Variants in NOX3 observed in about 807,000 individuals in gnomAD.
NOX3 encodes NADPH oxidase 3.
A neutral mutation model predicts 76.7 loss-of-function variants in NOX3; 74 were observed. The observed-to-expected ratio is 0.96, with a 90% CI of 0.80 to 1.17. NOX3 has a LOEUF of 1.17. Among genes scored for constraint, NOX3 ranks in the 50% most tolerant of loss-of-function variants. The probability of loss-of-function intolerance (pLI) is 0.00; values close to 1 mark genes in which losing one functional copy is unlikely to be tolerated. For missense variants in NOX3, 695 were observed against 703.3 expected (o/e 0.99, Z 0.13); for synonymous variants, 263 against 261.1 (o/e 1.01, Z -0.07).
At chr6:155,447,048 CTTTT>C (rs34046104) in intron 4 of NOX3, among the ~76,000 whole-genome samples, 1 of 143,818 alleles carries the variant, frequency 7.0e-6, no homozygotes, top group Non-Finnish European at 1.5e-5. Flanking sequence ...TATTTTATAA[CTTTT>C]TTTTTTTTTT....
rs191128000 is a variant in NOX3 at position 155,452,145 on chromosome 6, G to A, written c.340+1259C>T. On this transcript the variant is annotated intron_variant, in intron 4 of 13. Transcript: ENST00000159060. The stretch of plus-strand genomic sequence containing the variant: ...TTCTGTGATGAGCCTATCAAGGAGC[G>A]ATCTGGTCTCTGTTTGGACATCACC... 2.0e-3 allele frequency among the ~76,000 whole-genome samples: 305 copies of A among 152,272 alleles called. 2 individuals are homozygous for A. Among genetic ancestry groups the A allele is most frequent in the Admixed American group, 0.016 (248 of 15,290 alleles).
chr6:155,454,292 A>G (rs973803422), intron 3 of NOX3, among the ~76,000 whole-genome samples: 1 of 152,224 alleles, frequency 6.6e-6, no homozygotes, highest in African/African-American at 2.4e-5. Context: ...AAGTTTTTGA[A>G]GGTCTCATTC....
intron 12 of NOX3, among the ~76,000 whole-genome samples, chr6:155,404,151 A>G (rs1779274202): frequency 6.6e-6 from 1 of 151,764 alleles, no homozygotes. Flanking sequence ...AAAAGGAGAA[A>G]ATAGCAACAA....
chr6:155,447,316 C>T (rs189684368), intron 4 of NOX3, among the ~76,000 whole-genome samples: 68 of 152,208 alleles, frequency 4.5e-4, no homozygotes, highest in African/African-American at 1.5e-3. Flanking sequence ...GGATTACAGG[C>T]GTGAGCCACC....
intron 6 of NOX3, among the ~76,000 whole-genome samples, chr6:155,438,555 C>T (rs962938191): frequency 5.3e-5 from 8 of 152,204 alleles, no homozygotes; most frequent in African/African-American, 1.7e-4. Context: ...GCAGTGGCAG[C>T]GGCAGAACTG....
intron 6 of NOX3, among the ~76,000 whole-genome samples, chr6:155,436,837 C>G (rs1776911063): frequency 6.6e-6 from 1 of 152,180 alleles, no homozygotes; most frequent in African/African-American, 2.4e-5. Context: ...ATTGTTTGAA[C>G]ACATCCTTTT....
intron 8 of NOX3, among the ~76,000 whole-genome samples, chr6:155,430,638 T>C (rs888290559): frequency 6.6e-6 from 1 of 151,952 alleles, no homozygotes; most frequent in Non-Finnish European, 1.5e-5. Context: ...CAGAATTCTG[T>C]GTGCCGTCTG....
chr6:155,433,470 C>A (rs1243367929), intron 7 of NOX3, among the ~76,000 whole-genome samples: 1 of 152,244 alleles, frequency 6.6e-6, no homozygotes, highest in Non-Finnish European at 1.5e-5. Flanking sequence ...TTGGGGCCAC[C>A]ACCCCTCACT....
At chr6:155,407,376 T>G in intron 11 of NOX3, 122 bp from the exon 12 acceptor site, 1 of 894,804 alleles carries the variant, frequency 1.1e-6, no homozygotes, top group Middle Eastern at 3.3e-4. Context: ...GGGCTGGCAA[T>G]GCTTATCACT....
chr6:155,437,873 A>G lies in NOX3; in HGVS notation c.669-1326T>C, dbSNP rs375013465. ...CCTACTTTCACTTGGCACTTTGTGT[A>G]GAATTTGCAAATTGCTTTCGCTGTA... On this transcript the variant is annotated intron_variant, in intron 6 of 13. Coordinates refer to ENST00000159060, the MANE Select transcript of NOX3 (RefSeq NM_015718.3). Among the ~76,000 whole-genome samples the G allele has an allele frequency of 1.1e-4, 16 of 152,360 alleles. No individual in the cohort carries two copies. In the South Asian group the frequency reaches 2.3e-3, roughly 22 times the overall value.
chr6:155,446,039 A>G (rs992066816), intron 4 of NOX3, among the ~76,000 whole-genome samples: 1 of 145,558 alleles, frequency 6.9e-6, no homozygotes, highest in African/African-American at 2.6e-5. Flanking sequence ...TTTAAGTTGA[A>G]AATCAAGTCA....
At chr6:155,433,903 G>T (rs1776867409) in intron 7 of NOX3, among the ~76,000 whole-genome samples, 1 of 152,110 alleles carries the variant, frequency 6.6e-6, no homozygotes, top group Non-Finnish European at 1.5e-5. Flanking sequence ...TGGCTTCTTG[G>T]CTTTCTTTTC....
intron 9 of NOX3, 103 bp downstream of exon 9, chr6:155,428,691 C>T (rs777158895): frequency 5.2e-6 from 6 of 1,147,362 alleles, no homozygotes; most frequent in Non-Finnish European, 7.0e-6. Context: ...CTCAAACTCA[C>T]CATTTAATAA....
intron 11 of NOX3, 30 bp downstream of exon 11, chr6:155,411,184 T>C (rs1776544831): frequency 1.2e-6 from 2 of 1,604,356 alleles, no homozygotes; most frequent in Non-Finnish European, 1.7e-6. Flanking sequence ...AGTTCAGCAA[T>C]ATTGCTTATT....
At chr6:155,405,511 C>A (rs560518992) in intron 12 of NOX3, among the ~76,000 whole-genome samples, 1 of 152,156 alleles carries the variant, frequency 6.6e-6, no homozygotes, top group Non-Finnish European at 1.5e-5. Context: ...CTCCCCTGAA[C>A]GTTTGCTTCT....
chr6:155,436,414 T>C lies in NOX3; in HGVS notation c.798+4A>G. The C allele has an allele frequency of 1.9e-6, 3 of 1,614,088 alleles. No homozygotes were observed. The highest frequency in any genetic ancestry group is 2.5e-6 in the Non-Finnish European group (3 of 1,179,928). Reference sequence around the variant, plus strand: ...TTTTTAAAAGCTCCTGGGTTCATTCTTACCGAGGGTTCCTTGCCAGAAAAT... The same window carrying C: ...TTTTTAAAAGCTCCTGGGTTCATTCCTACCGAGGGTTCCTTGCCAGAAAAT... On this transcript the variant is annotated splice_donor_region_variant and intron_variant, in intron 7 of 13. Coordinates refer to ENST00000159060, the MANE Select transcript of NOX3 (RefSeq NM_015718.3).
intron 10 of NOX3, among the ~76,000 whole-genome samples, chr6:155,419,510 C>T (rs1305579897): frequency 1.3e-5 from 2 of 152,194 alleles, no homozygotes; most frequent in African/African-American, 4.8e-5. Context: ...ACTTTAGCTT[C>T]CTTTCTCCCA....
At chr6:155,422,667 A>G in intron 10 of NOX3, 27 bp downstream of exon 10, 1 of 1,609,414 alleles carries the variant, frequency 6.2e-7, no homozygotes, top group Non-Finnish European at 8.5e-7. Context: ...TAATCCATGG[A>G]AGGGTGAACT....
intron 5 of NOX3, among the ~76,000 whole-genome samples, chr6:155,441,737 T>C (rs901221457): frequency 1.4e-4 from 21 of 152,230 alleles, no homozygotes; most frequent in African/African-American, 4.8e-4. Context: ...TGAAAAGTAT[T>C]TTTAATAAAT....
Sources: allele counts gnomAD v4.1 joint callset (sites outside exome capture counted in the v4.1 genomes callset), GRCh38; gene constraint gnomAD v4.1.1; transcripts MANE v1.5; gene names NCBI Gene and HGNC (gene_info 2026-07-23, HGNC 2026-07-21).